The following KCNH8 variants were observed in gnomAD, a reference collection of about 807,000 sequenced individuals.
KCNH8 encodes the protein voltage-gated delayed rectifier potassium channel KCNH8.
In KCNH8, 70 loss-of-function variants were observed where a neutral mutation model predicts 103.6. The observed-to-expected ratio is 0.68, with a 90% CI of 0.56 to 0.82. The LOEUF (loss-of-function observed/expected upper bound fraction) is 0.82. Ranked by LOEUF, KCNH8 falls within the 40% of genes least tolerant of loss-of-function variation. The probability of loss-of-function intolerance (pLI) is 0.00; values close to 1 mark genes in which losing one functional copy is unlikely to be tolerated. For missense variants in KCNH8, 1,217 were observed against 1,329.9 expected, an observed-to-expected ratio of 0.92 and a Z score of 1.32; for synonymous variants, 498 against 489.4, an observed-to-expected ratio of 1.02 and a Z score of -0.23.
intron 1 of KCNH8, among the ~76,000 whole-genome samples, chr3:19,172,404 TA>T (rs140096681): frequency 0.057 from 8,625 of 152,024 alleles, 804 homozygotes; most frequent in African/African-American, 0.19. Flanking sequence ...ACAGTAGATA[TA>T]AAAAAAAGTT....
intron 1 of KCNH8, among the ~76,000 whole-genome samples, chr3:19,191,283 T>C (rs1283550937): frequency 1.3e-5 from 2 of 151,844 alleles, no homozygotes; most frequent in Non-Finnish European, 2.9e-5. Context: ...GATCTCACTG[T>C]AGTTGTGTGA....
chr3:19,341,152 T>C (rs1242523035), intron 3 of KCNH8, among the ~76,000 whole-genome samples: 1 of 152,114 alleles, frequency 6.6e-6, no homozygotes, highest in Non-Finnish European at 1.5e-5. Context: ...GCATGCACAG[T>C]GTGTTTACTG....
At chr3:19,502,000 C>A (rs975507130) in intron 11 of KCNH8, among the ~76,000 whole-genome samples, 2 of 151,922 alleles carry the variant, frequency 1.3e-5, no homozygotes, top group African/African-American at 4.8e-5. Context: ...TTGCAGATGA[C>A]ATGATTGTAT....
chr3:19,494,347 T>TTCTCATGATGGTAAATGGG (rs2068391817), intron 11 of KCNH8, among the ~76,000 whole-genome samples: 1 of 152,152 alleles, frequency 6.6e-6, no homozygotes, highest in Non-Finnish European at 1.5e-5. Context: ...TCCCTTGCTG[T>TTCTCATGATGGTAAATGGG]TCTCATGATG....
Position 19,342,575 on chromosome 3 carries a change from AT to A in KCNH8, c.443-8del. ...CATGCATGTGTGTCTAATGAGTTTT[AT>A]TTTCCCCCAGACAAAGTCAAAGGAA... On this transcript the variant is annotated splice_polypyrimidine_tract_variant and intron_variant, in intron 3 of 15. Transcript: ENST00000328405. 1 of 1,607,070 alleles carries A rather than the reference AT, an allele frequency of 6.2e-7. No individual in the cohort carries two copies. Among genetic ancestry groups the A allele is most frequent in the Non-Finnish European group, 8.5e-7 (1 of 1,175,754 alleles).
chr3:19,497,963 G>C (rs959047742), intron 11 of KCNH8, among the ~76,000 whole-genome samples: 2 of 152,176 alleles, frequency 1.3e-5, no homozygotes, highest in African/African-American at 4.8e-5. Flanking sequence ...AGGTCTTCTT[G>C]TTGAATTAAA....
At chr3:19,308,651 TCTCTCTCTCTC>T (rs2065161851) in intron 3 of KCNH8, among the ~76,000 whole-genome samples, 1 of 1,210 alleles carries the variant, frequency 8.3e-4, no homozygotes, top group Non-Finnish European at 2.4e-3. Context: ...AATGTTGGGG[TCTCTCTCTCTC>T]TCTCTCTCTC....
intron 3 of KCNH8, among the ~76,000 whole-genome samples, chr3:19,307,256 G>C (rs1167521412): frequency 6.6e-6 from 1 of 151,710 alleles, no homozygotes; most frequent in African/African-American, 2.4e-5. Context: ...GATTTCAACA[G>C]ACATTTTTCA....
At chr3:19,152,145 GT>G (rs1027196248) in intron 1 of KCNH8, among the ~76,000 whole-genome samples, 11 of 150,912 alleles carry the variant, frequency 7.3e-5, no homozygotes, top group African/African-American at 2.7e-4. Flanking sequence ...CTTCTCCATA[GT>G]TTTTTTTTAA....
chr3:19,502,840 G>GC (rs1479632203), intron 11 of KCNH8, among the ~76,000 whole-genome samples: 1 of 150,832 alleles, frequency 6.6e-6, no homozygotes, highest in Non-Finnish European at 1.5e-5. Flanking sequence ...GAAAACCTAG[G>GC]CATTACCATT....
intron 2 of KCNH8, among the ~76,000 whole-genome samples, chr3:19,258,943 CTCTCTATATATATATATATA>C (rs1161967802): frequency 1.9e-5 from 1 of 53,410 alleles, no homozygotes; most frequent in African/African-American, 7.9e-5. Flanking sequence ...CTCTCTCTCT[CTCTCTATATATATATATATA>C]TATATATATA....
intron 3 of KCNH8, among the ~76,000 whole-genome samples, chr3:19,302,594 A>T (rs945834841): frequency 6.6e-6 from 1 of 152,198 alleles, no homozygotes; most frequent in Admixed American, 6.5e-5. Flanking sequence ...TTTCTCAGAA[A>T]AAGCACTTAG....
intron 1 of KCNH8, among the ~76,000 whole-genome samples, chr3:19,244,809 A>G (rs1270830766): frequency 6.6e-6 from 1 of 151,258 alleles, no homozygotes; most frequent in African/African-American, 2.5e-5. Context: ...CCCATTTGTA[A>G]TAGGGTTTTT....
rs186026230 is a variant in KCNH8, at chr3:19,324,272, T to C, written c.443-18315T>C. Among the ~76,000 whole-genome samples, 3 of 152,238 alleles carry C rather than the reference T, an allele frequency of 2.0e-5. No individual in the cohort carries two copies. The East Asian group carries it at 5.8e-4, about 29-fold the overall frequency. ...GGAAAGAGACTTAATTGACTCACAGTTCCACATGGCTGGGGAGGCCTCGGG... is the reference window on the plus strand; with the variant it reads ...GGAAAGAGACTTAATTGACTCACAGCTCCACATGGCTGGGGAGGCCTCGGG... On this transcript the variant is annotated intron_variant, in intron 3 of 15. Transcript: ENST00000328405.
At chr3:19,291,574 T>C (rs1281465136) in intron 3 of KCNH8, among the ~76,000 whole-genome samples, 1 of 152,246 alleles carries the variant, frequency 6.6e-6, no homozygotes, top group Admixed American at 6.5e-5. Flanking sequence ...TTCTTAATCC[T>C]GAGTTCTAGT....
At chr3:19,495,343 T>C (rs1433663828) in intron 11 of KCNH8, among the ~76,000 whole-genome samples, 4 of 152,176 alleles carry the variant, frequency 2.6e-5, no homozygotes, top group African/African-American at 7.2e-5. Flanking sequence ...CACATTTAAG[T>C]CTTGAATTCA....
At chr3:19,503,140 A>G (rs1484906782) in intron 11 of KCNH8, among the ~76,000 whole-genome samples, 1 of 151,288 alleles carries the variant, frequency 6.6e-6, no homozygotes, top group African/African-American at 2.4e-5. Flanking sequence ...CACTTCTCAA[A>G]AGAAGACATT....
At chr3:19,371,196 C>G (rs1421590119) in intron 5 of KCNH8, among the ~76,000 whole-genome samples, 1 of 147,558 alleles carries the variant, frequency 6.8e-6, no homozygotes, top group Admixed American at 6.7e-5. Context: ...CTGACTTCCA[C>G]AATGGTTGAA....
intron 11 of KCNH8, among the ~76,000 whole-genome samples, chr3:19,462,329 C>T (rs2067647882): frequency 6.6e-6 from 1 of 152,138 alleles, no homozygotes; most frequent in South Asian, 2.1e-4. Flanking sequence ...TTAATGATTG[C>T]CATTCTAACT....
Sources: gnomAD v4.1 joint callset for allele counts (sites outside exome capture counted in the v4.1 genomes callset) on GRCh38, gnomAD v4.1.1 for gene constraint, MANE v1.5 for transcripts, NCBI Gene and HGNC (gene_info 2026-07-23, HGNC 2026-07-21) for gene names.